KCNN2: variants seen among roughly 807,000 people sequenced by gnomAD.
The protein encoded by KCNN2 is potassium calcium-activated channel subfamily N member 2.
In KCNN2, 24 loss-of-function variants were observed where a neutral mutation model predicts 55.5. The ratio of observed to expected loss-of-function variants is 0.43; its 90% CI spans 0.31 to 0.61. KCNN2 has a LOEUF of 0.61. KCNN2 is among the 20% of genes least tolerant of loss of function. KCNN2 has a pLI of 0.08. For synonymous variants in KCNN2, 431 were observed against 336.1 expected (o/e 1.28, Z -3.09); for missense variants, 754 against 853.6 (o/e 0.88, Z 1.45).
chr5:114,475,231 C>T (rs1449275183), intron 5 of KCNN2, among the ~76,000 whole-genome samples: 1 of 151,920 alleles, frequency 6.6e-6, no homozygotes, highest in Non-Finnish European at 1.5e-5. Context: ...AGTGTAGTTG[C>T]TGTATTCCAG....
At chr5:114,104,979 CT>C (rs1326942821) in intron 1 of KCNN2, among the ~76,000 whole-genome samples, 1 of 152,078 alleles carries the variant, frequency 6.6e-6, no homozygotes, top group Non-Finnish European at 1.5e-5. Flanking sequence ...GGTTAAGTGA[CT>C]TTCCCAGTGT....
intron 3 of KCNN2, among the ~76,000 whole-genome samples, chr5:114,458,090 TA>T (rs1037688144): frequency 7.9e-5 from 12 of 152,110 alleles, no homozygotes; most frequent in Middle Eastern, 3.4e-3. Context: ...TTACACCTTT[TA>T]AAAAAAATGC....
chr5:114,164,226 G>C (rs1258258304), intron 1 of KCNN2, among the ~76,000 whole-genome samples: 3 of 152,136 alleles, frequency 2.0e-5, no homozygotes, highest in Non-Finnish European at 4.4e-5. Context: ...CCATTAGTCA[G>C]GAAATCTATT....
At position 114,347,731 on chromosome 5, in the gene KCNN2, G is replaced by A. The variant is rs142804303; in HGVS notation, c.-184-13214G>A. ...TAAATAAAAACATGACCTTTACCTT[G>A]GCTAAAAACACAAACCAAAAGAAAA... On this transcript the variant is annotated intron_variant, in intron 2 of 10. Coordinates refer to the KCNN2 transcript ENST00000512097. 1.3e-3 allele frequency among the ~76,000 whole-genome samples: 195 copies of A among 152,048 alleles called. 2 individuals are homozygous for A. The East Asian group carries it at 0.02, about 16-fold the overall frequency.
rs372211455 is a variant in KCNN2 at position 114,070,983 on chromosome 5, A to G, written c.-271+14483A>G. Among the ~76,000 whole-genome samples, 109 of 152,340 alleles carry G rather than the reference A, an allele frequency of 7.2e-4. 1 individual carries two copies. The highest frequency in any genetic ancestry group is 6.8e-3 in the Middle Eastern group (2 of 294). On this transcript the variant is annotated intron_variant, in intron 1 of 10. Coordinates refer to the KCNN2 transcript ENST00000512097. The stretch of plus-strand genomic sequence containing the variant: ...CTGAATAGTATTCTTTAAATTGGCT[A>G]CTTTTTAATATTAGCTTCATGCAAA...
rs1450366155 is a variant in KCNN2, at chr5:114,496,305, G to A, written c.*123G>A. ...CCGGGTTCTGATGTCAGAATCCTGGGAACCTGAACACTAAGTTTTAGGCCA... is the reference window on the plus strand; with the variant it reads ...CCGGGTTCTGATGTCAGAATCCTGGAAACCTGAACACTAAGTTTTAGGCCA... On this transcript the variant is annotated 3_prime_UTR_variant, in exon 8 of 8. Coordinates refer to ENST00000673685, the MANE Select transcript of KCNN2 (RefSeq NM_021614.4). 9 of 1,082,090 alleles carry A rather than the reference G, an allele frequency of 8.3e-6. No homozygotes were observed. Among genetic ancestry groups the A allele is most frequent in the Non-Finnish European group, 1.2e-5 (9 of 772,272 alleles). 67.0% of individuals were successfully genotyped at this position (1,082,090 alleles called of 1,614,324 possible).
At chr5:114,284,777 C>G (rs113298512) in intron 2 of KCNN2, among the ~76,000 whole-genome samples, 3,835 of 151,948 alleles carry the variant, frequency 0.025, 166 homozygotes, top group African/African-American at 0.088. Flanking sequence ...CTTAGCCTCC[C>G]AAAGTGCTAG....
At chr5:114,418,940 C>T (rs913949122) in intron 3 of KCNN2, among the ~76,000 whole-genome samples, 1 of 152,174 alleles carries the variant, frequency 6.6e-6, no homozygotes, top group African/African-American at 2.4e-5. Flanking sequence ...TTCACTTCCT[C>T]ATACAAGCAT....
intron 3 of KCNN2, among the ~76,000 whole-genome samples, chr5:114,410,323 T>C (rs191310200): frequency 9.2e-5 from 14 of 152,294 alleles, no homozygotes; most frequent in African/African-American, 3.1e-4. Flanking sequence ...CTGGGCACCG[T>C]TTCTGAGCAA....
At chr5:114,161,393 C>CT (rs1752777832) in intron 1 of KCNN2, among the ~76,000 whole-genome samples, 1 of 135,996 alleles carries the variant, frequency 7.4e-6, no homozygotes, top group Admixed American at 7.9e-5. Context: ...ATGGGCTTCC[C>CT]TTTGTGGGTA....
intron 2 of KCNN2, among the ~76,000 whole-genome samples, chr5:114,245,786 C>T (rs1244857425): frequency 6.6e-6 from 1 of 152,130 alleles, no homozygotes; most frequent in Non-Finnish European, 1.5e-5. Flanking sequence ...GAAAAATTTA[C>T]CCAAGGGCCT....
intron 2 of KCNN2, among the ~76,000 whole-genome samples, chr5:114,247,202 C>CAAAAAAAAAAAA (rs370172975): frequency 2.6e-3 from 176 of 68,042 alleles, no homozygotes; most frequent in African/African-American, 5.6e-3. Flanking sequence ...CATATGTCTC[C>CAAAAAAAAAAAA]AAAAAAAAAA....
chr5:114,233,646 G>GA (rs1326586167), intron 2 of KCNN2, among the ~76,000 whole-genome samples: 1 of 151,488 alleles, frequency 6.6e-6, no homozygotes, highest in African/African-American at 2.4e-5. Flanking sequence ...TTCTTATAGT[G>GA]AAAAAAAATC....
rs144178919 is a variant in KCNN2 at position 114,397,710 on chromosome 5, G to A, written c.1219-6728G>A. Among the ~76,000 whole-genome samples, 40 of 152,098 alleles carry A rather than the reference G, an allele frequency of 2.6e-4. 1 individual carries two copies. The East Asian group carries it at 7.6e-3, about 29-fold the overall frequency. ...GCCACATCTATTATTTTTTGACTTT[G>A]TAATAATAGCCATTCTAACTGGTGT... On this transcript the variant is annotated intron_variant, in intron 2 of 7. Coordinates refer to ENST00000673685, the MANE Select transcript of KCNN2 (RefSeq NM_021614.4).
chr5:114,087,102 G>A (rs1037339329), intron 1 of KCNN2, among the ~76,000 whole-genome samples: 2 of 151,768 alleles, frequency 1.3e-5, no homozygotes, highest in African/African-American at 4.8e-5. Context: ...CTGTCCCTTT[G>A]CCCATTTTTA....
At position 114,198,463 on chromosome 5, in the gene KCNN2, T is replaced by TACAC. The variant is rs56335930; in HGVS notation, c.-270-22997_-270-22994dup. On this transcript the variant is annotated intron_variant, in intron 1 of 10. Coordinates refer to the KCNN2 transcript ENST00000512097. ...ATATGTGTTTACATATATATACATA[T>TACAC]ACACACACACACACACACACACATT... is the stretch of plus-strand genomic sequence containing the variant. Among the ~76,000 whole-genome samples the TACAC allele has an allele frequency of 7.5e-3, 1,110 of 147,790 alleles. 3 individuals carry two copies. The highest frequency in any genetic ancestry group is 0.011 in the African/African-American group (431 of 40,320).
chr5:114,397,713 A>G (rs1758662445), intron 2 of KCNN2, among the ~76,000 whole-genome samples: 1 of 152,124 alleles, frequency 6.6e-6, no homozygotes, highest in African/African-American at 2.4e-5. Context: ...TGACTTTGTA[A>G]TAATAGCCAT....
At chr5:114,290,397 A>G (rs1755860397) in intron 2 of KCNN2, among the ~76,000 whole-genome samples, 1 of 152,090 alleles carries the variant, frequency 6.6e-6, no homozygotes, top group African/African-American at 2.4e-5. Flanking sequence ...AATTACTTAT[A>G]GTATTATAAT....
At position 114,288,499 on chromosome 5, in the gene KCNN2, T is replaced by TACAC. The variant is rs1203371494; in HGVS notation, c.-185+66962_-185+66965dup. Among the ~76,000 whole-genome samples the TACAC allele has an allele frequency of 6.6e-3, 918 of 139,602 alleles. 7 individuals carry two copies. The highest frequency in any genetic ancestry group is 0.014 in the Middle Eastern group (4 of 284). The allele number at this position is 139,602 out of a possible 152,430, so 91.6% of individuals were successfully genotyped here. A position where few individuals can be genotyped will look rare whatever the true frequency, so the allele number is the denominator to read the frequency against. Reference sequence around the variant, plus strand: ...TTTGCCATTACTTTATATATATATATACACACACACACACACACACACACA... The same window carrying TACAC: ...TTTGCCATTACTTTATATATATATATACACACACACACACACACACACACACACA... On this transcript the variant is annotated intron_variant, in intron 2 of 10. Transcript: ENST00000512097.
Sources: allele counts gnomAD v4.1 joint callset (sites outside exome capture counted in the v4.1 genomes callset), GRCh38; gene constraint gnomAD v4.1.1; transcripts MANE v1.5; gene names NCBI Gene and HGNC (gene_info 2026-07-23, HGNC 2026-07-21).